Variants in TMEM266 observed in about 807,000 individuals in gnomAD.
TMEM266 encodes transmembrane protein 266.
In TMEM266, 33 loss-of-function variants were observed where a neutral mutation model predicts 50.5. The ratio of observed to expected loss-of-function variants is 0.65; its 90% CI spans 0.50 to 0.87. TMEM266 has a LOEUF of 0.87. TMEM266 is among the 40% of genes least tolerant of loss of function. TMEM266 has a pLI of 0.00. For missense variants in TMEM266, 655 were observed against 695.1 expected, an observed-to-expected ratio of 0.94 and a Z score of 0.65; for synonymous variants, 310 against 292.3, an observed-to-expected ratio of 1.06 and a Z score of -0.62.
At chr15:76,203,062 C>A (rs2038774740) in intron 10 of TMEM266, among the ~76,000 whole-genome samples, 1 of 152,132 alleles carries the variant, frequency 6.6e-6, no homozygotes, top group African/African-American at 2.4e-5. Context: ...CCACCCTGCA[C>A]CCTCTGTAGG....
At chr15:76,123,256 T>C (rs891887428) in intron 1 of TMEM266, among the ~76,000 whole-genome samples, 1 of 152,142 alleles carries the variant, frequency 6.6e-6, no homozygotes, top group Non-Finnish European at 1.5e-5. Flanking sequence ...GAGTAAAATA[T>C]TAGGGGGTCA....
At chr15:76,089,117 G>C (rs1349975005) in intron 1 of TMEM266, among the ~76,000 whole-genome samples, 2 of 130,708 alleles carry the variant, frequency 1.5e-5, no homozygotes, top group Non-Finnish European at 3.2e-5. Context: ...AAAAAAAAGA[G>C]GAAAAAGAAA....
At chr15:76,167,850 C>A (rs1056256940) in intron 5 of TMEM266, among the ~76,000 whole-genome samples, 3 of 150,984 alleles carry the variant, frequency 2.0e-5, no homozygotes, top group Non-Finnish European at 4.4e-5. Context: ...AACCAGAAAC[C>A]TCTGGGTCCA....
At position 76,132,655 on chromosome 15, in the gene TMEM266, G is replaced by C. The variant is rs2037527845; in HGVS notation, c.-96-1513G>C. Among the ~76,000 whole-genome samples, 4 of 150,992 alleles carry C rather than the reference G, an allele frequency of 2.6e-5. No homozygotes were observed. In the South Asian group the frequency reaches 8.4e-4, roughly 32 times the overall value. On this transcript the variant is annotated intron_variant, in intron 1 of 10. Coordinates refer to ENST00000388942, the MANE Select transcript of TMEM266 (RefSeq NM_152335.3). Reference sequence around the variant, plus strand: ...TATTAAAAACACAAAAATTAGCCCAGGTGGTGGCGCATGCCTGTAGTCCCA... The same window carrying C: ...TATTAAAAACACAAAAATTAGCCCACGTGGTGGCGCATGCCTGTAGTCCCA...
intron 3 of TMEM266, among the ~76,000 whole-genome samples, chr15:76,138,578 T>TA (rs1048566988): frequency 1.3e-5 from 2 of 152,196 alleles, no homozygotes; most frequent in African/African-American, 4.8e-5. Flanking sequence ...ACTTTCCCTT[T>TA]ATAAAGCAGA....
At chr15:76,100,560 A>G in intron 1 of TMEM266, among the ~76,000 whole-genome samples, 1 of 152,214 alleles carries the variant, frequency 6.6e-6, no homozygotes, top group East Asian at 1.9e-4. Flanking sequence ...CCTTGGTGCC[A>G]TGCCCTGCCT....
intron 9 of TMEM266, among the ~76,000 whole-genome samples, chr15:76,193,420 A>G (rs1218014124): frequency 6.6e-6 from 1 of 152,094 alleles, no homozygotes; most frequent in Admixed American, 6.5e-5. Context: ...GGGTCTTGCT[A>G]TGTTGCCCAG....
At chr15:76,193,391 T>G (rs1437452349) in intron 9 of TMEM266, among the ~76,000 whole-genome samples, 4 of 152,142 alleles carry the variant, frequency 2.6e-5, no homozygotes, top group Admixed American at 2.6e-4. Context: ...CAATTAATGT[T>G]TTTATTTTTG....
At chr15:76,169,793 A>G in intron 5 of TMEM266, 23 bp from the exon 6 acceptor site, 1 of 1,611,066 alleles carries the variant, frequency 6.2e-7, no homozygotes, top group Non-Finnish European at 8.5e-7. Flanking sequence ...GAGAATAACC[A>G]CTTTCTCACT....
At position 76,100,185 on chromosome 15, in the gene TMEM266, A is replaced by G. The variant is rs1405820788; in HGVS notation, c.-96-33983A>G. On this transcript the variant is annotated intron_variant, in intron 1 of 10. Transcript: ENST00000388942. ...TCACCCAAGTTGACGTAGTAAGACA[A>G]GTGAATTGTAAAAGTAACCCAAGGT... Among the ~76,000 whole-genome samples the G allele has an allele frequency of 2.6e-5, 4 of 152,356 alleles. No individual in the cohort carries two copies. In the East Asian group the frequency reaches 7.7e-4, roughly 29 times the overall value.
intron 1 of TMEM266, among the ~76,000 whole-genome samples, chr15:76,120,612 T>C (rs904976845): frequency 2.6e-5 from 4 of 151,478 alleles, no homozygotes; most frequent in African/African-American, 7.3e-5. Flanking sequence ...AATACAAAAA[T>C]TATCTGGGCG....
At chr15:76,138,025 C>T (rs12592638) in intron 3 of TMEM266, 130 bp downstream of exon 3, 79,854 of 828,682 alleles carry the variant, frequency 0.096, 5,002 homozygotes, top group Admixed American at 0.23. Context: ...AGTTCGAGAC[C>T]AGCCTGGCCA....
chr15:76,137,131 G>A (rs1313296700), intron 2 of TMEM266, among the ~76,000 whole-genome samples: 1 of 152,168 alleles, frequency 6.6e-6, no homozygotes, highest in Admixed American at 6.5e-5. Context: ...TAGGAAGGGA[G>A]TGGCTACCAG....
chr15:76,117,148 C>T (rs933905993), intron 1 of TMEM266, among the ~76,000 whole-genome samples: 1 of 152,130 alleles, frequency 6.6e-6, no homozygotes, highest in African/African-American at 2.4e-5. Flanking sequence ...ATCTGCCTGC[C>T]TCGGCCTCCC....
chr15:76,203,529 G>A (rs1188614323), intron 10 of TMEM266, among the ~76,000 whole-genome samples: 1 of 152,210 alleles, frequency 6.6e-6, no homozygotes, highest in African/African-American at 2.4e-5. Context: ...CTACACTTGA[G>A]TTTAACAAGA....
At chr15:76,190,842 C>T (rs1283002960) in intron 8 of TMEM266, among the ~76,000 whole-genome samples, 4 of 152,106 alleles carry the variant, frequency 2.6e-5, no homozygotes, top group Admixed American at 1.3e-4. Flanking sequence ...AAGTAGGTGA[C>T]CTCTTAGGCA....
At chr15:76,074,593 T>C (rs75435444) in intron 1 of TMEM266, among the ~76,000 whole-genome samples, 3,967 of 152,134 alleles carry the variant, frequency 0.026, 218 homozygotes, top group African/African-American at 0.091. Flanking sequence ...ATTAAGGGGA[T>C]AGGAAATAAA....
intron 1 of TMEM266, among the ~76,000 whole-genome samples, chr15:76,068,989 T>C (rs2036489916): frequency 6.6e-6 from 1 of 152,168 alleles, no homozygotes; most frequent in Non-Finnish European, 1.5e-5. Flanking sequence ...CTTTCTCCCG[T>C]CATATGGTCA....
chr15:76,061,398 C>T (rs1218034454), intron 1 of TMEM266, among the ~76,000 whole-genome samples: 1 of 152,186 alleles, frequency 6.6e-6, no homozygotes, highest in African/African-American at 2.4e-5. Context: ...AACTAACTTG[C>T]CCAAGGTCAC....
Sources: allele counts gnomAD v4.1 joint callset (sites outside exome capture counted in the v4.1 genomes callset), GRCh38; gene constraint gnomAD v4.1.1; transcripts MANE v1.5; gene names NCBI Gene and HGNC (gene_info 2026-07-23, HGNC 2026-07-21).